Variants in FER1L6 observed in about 807,000 individuals in gnomAD.
FER1L6 encodes fer-1 like family member 6.
In FER1L6, 177 loss-of-function variants were observed where a neutral mutation model predicts 219.2. That is an observed-to-expected ratio of 0.81 (90% CI 0.71 to 0.91). The LOEUF is 0.91. Among genes scored for constraint, FER1L6 ranks in the 40% least tolerant of loss-of-function variants. FER1L6 has a pLI of 0.00. For synonymous variants in FER1L6, 768 were observed against 824.3 expected, an observed-to-expected ratio of 0.93 and a Z score of 1.17; for missense variants, 2,153 against 2,259.9, an observed-to-expected ratio of 0.95 and a Z score of 0.96.
rs71576706 is a variant in FER1L6 at position 123,856,316 on chromosome 8, G to GTGTATATATA, written c.-8+4132_-8+4133insGTATATATAT. ...TGTATATATATATATATATGTATGT[G>GTGTATATATA]TATATATATATATATATATATATAT... On this transcript the variant is annotated intron_variant, in intron 1 of 40. Transcript: ENST00000522917. 8.9e-4 allele frequency among the ~76,000 whole-genome samples: 40 copies of GTGTATATATA among 45,086 alleles called. 7 individuals are homozygous for GTGTATATATA. Among genetic ancestry groups the GTGTATATATA allele is most frequent in the African/African-American group, 2.8e-3 (32 of 11,508 alleles). 29.6% of individuals were successfully genotyped at this position (45,086 alleles called of 152,430 possible). A position where few individuals can be genotyped will look rare whatever the true frequency, so the allele number is the denominator to read the frequency against.
rs1817247810 is a variant in FER1L6 at position 123,888,566 on chromosome 8, ATCT to A, written c.-8+36388_-8+36390del. 2.6e-5 allele frequency among the ~76,000 whole-genome samples: 4 copies of A among 152,086 alleles called. 1 individual carries two copies. The highest frequency in any genetic ancestry group is 3.9e-4 in the East Asian group (2 of 5,194). On this transcript the variant is annotated intron_variant, in intron 1 of 40. Transcript: ENST00000522917. ...GGGTCTGGTCAGTAGGTTCCAGGTG[ATCT>A]TCTTCTCTGGTACTGTTTGGCCCCA...
At chr8:123,911,532 A>G (rs1024601238) in intron 1 of FER1L6, among the ~76,000 whole-genome samples, 2 of 152,172 alleles carry the variant, frequency 1.3e-5, no homozygotes, top group East Asian at 1.9e-4. Context: ...AAGAAGCTTG[A>G]TCAAAGGCAA....
At chr8:123,911,993 A>T (rs1045790421) in intron 1 of FER1L6, among the ~76,000 whole-genome samples, 1 of 152,244 alleles carries the variant, frequency 6.6e-6, no homozygotes, top group South Asian at 2.1e-4. Context: ...CTCTATTAGC[A>T]ATAGGGAATC....
At position 124,061,883 on chromosome 8, in the gene FER1L6, C is replaced by A. The variant is rs1820599425; in HGVS notation, c.3179C>A (p.Pro1060Gln). The change falls in exon 25 of 41, where the codon CCA (proline) becomes CAA (glutamine). Residue 1060 changes from proline to glutamine, a missense_variant. Physicochemically the swap from Pro to Gln is moderately conservative, Grantham distance 76 (BLOSUM62 -1). Transcript: ENST00000522917. ...ELPENELLHP[P>Q]LSICVVDWRA... ...CCTGAGAACGAGCTTCTGCACCCGC[C>A]ACTGAGCATCTGCGTGGTGGACTGG... The A allele has an allele frequency of 1.9e-6, 3 of 1,614,046 alleles. No homozygotes were observed. The East Asian group carries it at 6.7e-5, about 36-fold the overall frequency.
chr8:123,898,647 A>ATATATATATATATGTATATATATACG (rs1247401785), intron 1 of FER1L6, among the ~76,000 whole-genome samples: 6 of 144,358 alleles, frequency 4.2e-5, no homozygotes, highest in African/African-American at 1.6e-4. Context: ...TCCATTTTAT[A>ATATATATATATATGTATATATATACG]TATATATATA....
intron 11 of FER1L6, among the ~76,000 whole-genome samples, chr8:123,982,368 C>T (rs1816361866): frequency 6.6e-6 from 1 of 152,174 alleles, no homozygotes; most frequent in Non-Finnish European, 1.5e-5. Flanking sequence ...TTGATGAAGA[C>T]ACTTGAAGCA....
chr8:123,999,433 G>T (rs1265765127), intron 12 of FER1L6, among the ~76,000 whole-genome samples: 1 of 152,206 alleles, frequency 6.6e-6, no homozygotes, highest in Admixed American at 6.5e-5. Context: ...ATCACTTGAG[G>T]TCAGGAGTTT....
chr8:123,929,966 G>T (rs1321722748), intron 1 of FER1L6, among the ~76,000 whole-genome samples: 6 of 144,532 alleles, frequency 4.2e-5, no homozygotes, highest in African/African-American at 1.0e-4. Flanking sequence ...AGATGGCACT[G>T]TTTTTTTTTT....
At chr8:124,104,142 A>C (rs1822661594) in intron 39 of FER1L6, among the ~76,000 whole-genome samples, 1 of 151,830 alleles carries the variant, frequency 6.6e-6, no homozygotes, top group Non-Finnish European at 1.5e-5. Context: ...GTATTTTCTG[A>C]GAGTTTGTCT....
chr8:124,107,330 T>TTAG (rs1369737336), intron 39 of FER1L6, among the ~76,000 whole-genome samples: 1 of 152,186 alleles, frequency 6.6e-6, no homozygotes, highest in East Asian at 1.9e-4. Flanking sequence ...AATGAACACA[T>TTAG]TAGTACACAT....
At position 123,980,769 on chromosome 8, in the gene FER1L6, C is replaced by A. The variant is rs1816286506; in HGVS notation, c.1368C>A (p.Asn456Lys). The change falls in exon 11 of 41, where the codon AAC becomes AAA. Residue 456 changes from asparagine to lysine, a missense_variant. By Grantham distance (94) the Asn-to-Lys change is moderately conservative. Coordinates refer to ENST00000522917, the MANE Select transcript of FER1L6 (RefSeq NM_001039112.2). ...CCCAACAGGCTTCAAACAAAACTAA[C>A]TCAACCGAGGTGGAGGTGGAATCGT... The part of the protein sequence containing the change: ...GKSQQASNKT[N>K]STEVEVESFD... 6.2e-7 allele frequency: 1 copy of A among 1,614,002 alleles called. No homozygotes were observed.
intron 12 of FER1L6, among the ~76,000 whole-genome samples, chr8:123,989,261 A>C (rs912033369): frequency 6.6e-6 from 1 of 152,078 alleles, no homozygotes; most frequent in Non-Finnish European, 1.5e-5. Flanking sequence ...AGTGTTGATC[A>C]GGGATATTGG....
At chr8:123,949,717 A>G (rs1304909351) in intron 1 of FER1L6, among the ~76,000 whole-genome samples, 1 of 151,538 alleles carries the variant, frequency 6.6e-6, no homozygotes, top group Admixed American at 6.6e-5. Context: ...GAGCAGAAAG[A>G]AGAATACAAA....
intron 18 of FER1L6, among the ~76,000 whole-genome samples, chr8:124,033,194 C>G (rs1819046975): frequency 6.6e-6 from 1 of 152,140 alleles, no homozygotes; most frequent in South Asian, 2.1e-4. Flanking sequence ...CACATGCTTC[C>G]TGGGTGCCAA....
At chr8:124,056,458 T>G (rs1188813610) in intron 22 of FER1L6, among the ~76,000 whole-genome samples, 6 of 152,276 alleles carry the variant, frequency 3.9e-5, no homozygotes, top group Non-Finnish European at 7.3e-5. Flanking sequence ...TTTTTTCATT[T>G]GTTTTTAATC....
chr8:124,023,575 G>A lies in FER1L6; in HGVS notation c.2265G>A (p.Lys755=), dbSNP rs774292939. The A allele has an allele frequency of 4.3e-6, 7 of 1,614,014 alleles. No individual in the cohort carries two copies. The highest frequency in any genetic ancestry group is 5.9e-6 in the Non-Finnish European group (7 of 1,180,020). ...GGCAGATGGGCAAACACTGCGGCAA[G>A]ATCAAAACTCACTTCCTCAAAGTAA... ...VAGQMGKHCG[K]IKTHFLKPPG... Residue 755 remains lysine, a synonymous_variant, in exon 18 of 41, where the codon AAG becomes AAA. Coordinates refer to ENST00000522917, the MANE Select transcript of FER1L6 (RefSeq NM_001039112.2).
intron 21 of FER1L6, chr8:124,047,789 C>T (rs1249144396): frequency 1.3e-5 from 2 of 152,192 alleles, no homozygotes; most frequent in Admixed American, 6.5e-5. Context: ...CTTTTGTTCA[C>T]CCTTGTGCGC....
chr8:124,060,554 T>C lies in FER1L6; in HGVS notation c.2992T>C (p.Phe998Leu). The change falls in exon 24 of 41, where the codon TTC (phenylalanine) becomes CTC (leucine). Residue 998 changes from phenylalanine (F) to leucine (L), a missense_variant. Transcript: ENST00000522917. ...VLSKYRVEVL[F>L]WGVREMKKVQ... Reference sequence around the variant, plus strand: ...CTGCTGGTCTTTTCCTCAGGTTCTCTTCTGGGGAGTTCGGGAAATGAAGAA... The same window carrying C: ...CTGCTGGTCTTTTCCTCAGGTTCTCCTCTGGGGAGTTCGGGAAATGAAGAA... The C allele has an allele frequency of 6.2e-7, 1 of 1,614,010 alleles. No homozygotes were observed. Among genetic ancestry groups the C allele is most frequent in the South Asian group, 1.1e-5 (1 of 91,050 alleles).
rs865919602 is a variant in FER1L6 at position 123,895,745 on chromosome 8, A to G, written c.-8+43560A>G. Among the ~76,000 whole-genome samples, 4 of 152,234 alleles carry G rather than the reference A, an allele frequency of 2.6e-5. No individual in the cohort carries two copies. In the South Asian group the frequency reaches 8.3e-4, roughly 32 times the overall value. Reference sequence around the variant, plus strand: ...GAAAGTGGCTGAAGACAGAGCCCTGAGAAATTGTTCATCTCACCCGTGAAA... The same window carrying G: ...GAAAGTGGCTGAAGACAGAGCCCTGGGAAATTGTTCATCTCACCCGTGAAA... On this transcript the variant is annotated intron_variant, in intron 1 of 40. Coordinates refer to ENST00000522917, the MANE Select transcript of FER1L6 (RefSeq NM_001039112.2).
Sources: allele counts gnomAD v4.1 joint callset (sites outside exome capture counted in the v4.1 genomes callset), GRCh38; gene constraint gnomAD v4.1.1; transcripts MANE v1.5; gene names NCBI Gene and HGNC (gene_info 2026-07-23, HGNC 2026-07-21).